The following AKAP6 variants were observed in gnomAD, a reference collection of about 807,000 sequenced individuals.
AKAP6 encodes the protein A-kinase anchoring protein 6.
AKAP6 carries 58 observed loss-of-function variants against 188.5 expected under a neutral mutation model. The observed-to-expected ratio is 0.31, with a 90% CI of 0.25 to 0.38. The LOEUF is 0.38. AKAP6 is among the 10% of genes least tolerant of loss of function. AKAP6 has a pLI of 1.00. For synonymous variants in AKAP6, 989 were observed against 998.6 expected (o/e 0.99, Z 0.18); for missense variants, 2,710 against 2,740.0 (o/e 0.99, Z 0.24).
At chr14:32,715,581 C>G (rs2030147377) in intron 9 of AKAP6, among the ~76,000 whole-genome samples, 1 of 151,772 alleles carries the variant, frequency 6.6e-6, no homozygotes, top group Non-Finnish European at 1.5e-5. Flanking sequence ...ATTTAAATAA[C>G]TGGAATAGAG....
At chr14:32,727,563 G>A (rs1450510327) in intron 9 of AKAP6, among the ~76,000 whole-genome samples, 1 of 152,158 alleles carries the variant, frequency 6.6e-6, no homozygotes, top group Non-Finnish European at 1.5e-5. Flanking sequence ...AACAGTACAT[G>A]GCCAGTGTAA....
chr14:32,671,912 C>A (rs1566637851), intron 7 of AKAP6, among the ~76,000 whole-genome samples: 5 of 152,070 alleles, frequency 3.3e-5, no homozygotes. Flanking sequence ...CTAAAAATTG[C>A]TTTTTATGAC....
At position 32,830,740 on chromosome 14, in the gene AKAP6, T is replaced by C. The variant is rs1405088607; in HGVS notation, c.*935T>C. 1 of 152,622 alleles carries C rather than the reference T, an allele frequency of 6.6e-6. No homozygotes were observed. Among genetic ancestry groups the C allele is most frequent in the East Asian group, 1.9e-4 (1 of 5,196 alleles). The allele number at this position is 152,622 out of a possible 1,614,324, so 9.5% of individuals were successfully genotyped here. The stretch of plus-strand genomic sequence containing the variant: ...TTGTGATGTCTAGTGATGTGGAAAA[T>C]ATAAGCCTTAAATCCATTAGATTGC... On this transcript the variant is annotated 3_prime_UTR_variant, in exon 14 of 14. Coordinates refer to ENST00000280979, the MANE Select transcript of AKAP6 (RefSeq NM_004274.5).
intron 3 of AKAP6, 104 bp from the exon 4 acceptor site, chr14:32,545,126 A>G (rs538963249): frequency 2.5e-4 from 264 of 1,065,782 alleles, no homozygotes; most frequent in Non-Finnish European, 1.9e-4. Context: ...AGGGACCAAT[A>G]CATTTGACCT....
intron 1 of AKAP6, among the ~76,000 whole-genome samples, chr14:32,348,691 G>A (rs7147028): frequency 0.16 from 23,659 of 152,080 alleles, 2,049 homozygotes; most frequent in East Asian, 0.37. Flanking sequence ...GGGATTATAG[G>A]CATGAGCCAC....
At chr14:32,608,357 A>C (rs1203137150) in intron 7 of AKAP6, among the ~76,000 whole-genome samples, 2 of 151,946 alleles carry the variant, frequency 1.3e-5, no homozygotes, top group East Asian at 3.9e-4. Context: ...AAAATTAGCC[A>C]AGTGTCATGG....
intron 7 of AKAP6, among the ~76,000 whole-genome samples, chr14:32,651,091 A>G (rs1888204246): frequency 6.6e-6 from 1 of 152,124 alleles, no homozygotes; most frequent in African/African-American, 2.4e-5. Flanking sequence ...TGTGTAGGTT[A>G]TTTGGTGCTC....
rs970854797 is a variant in AKAP6, at chr14:32,545,139, A to G, written c.577-91A>G. Reference sequence around the variant, plus strand: ...ATAGGGACCAATACATTTGACCTTTATAGTGCCCTGTACTGCAATTTCATT... The same window carrying G: ...ATAGGGACCAATACATTTGACCTTTGTAGTGCCCTGTACTGCAATTTCATT... On this transcript the variant is annotated intron_variant, in intron 3 of 13. Coordinates refer to ENST00000280979, the MANE Select transcript of AKAP6 (RefSeq NM_004274.5). 4.5e-5 allele frequency: 57 copies of G among 1,255,996 alleles called. No homozygotes were observed. In the Middle Eastern group the frequency reaches 5.8e-4, roughly 13 times the overall value. 77.8% of individuals were successfully genotyped at this position (1,255,996 alleles called of 1,614,324 possible).
intron 4 of AKAP6, among the ~76,000 whole-genome samples, chr14:32,557,044 A>G (rs560368206): frequency 1.3e-5 from 2 of 148,834 alleles, no homozygotes; most frequent in South Asian, 2.1e-4. Flanking sequence ...TTTGTCTTGG[A>G]AAAAAAAAAT....
At chr14:32,701,566 G>A (rs1398986524) in intron 9 of AKAP6, among the ~76,000 whole-genome samples, 1 of 151,944 alleles carries the variant, frequency 6.6e-6, no homozygotes, top group Non-Finnish European at 1.5e-5. Flanking sequence ...GTGTGGAATA[G>A]AATTAGAAAT....
intron 4 of AKAP6, among the ~76,000 whole-genome samples, chr14:32,572,673 C>T (rs1021224373): frequency 6.6e-6 from 1 of 152,216 alleles, no homozygotes; most frequent in Admixed American, 6.5e-5. Flanking sequence ...TGAAAATCAT[C>T]TTCAAGTGTA....
chr14:32,817,297 CT>C (rs890653451), intron 12 of AKAP6, among the ~76,000 whole-genome samples: 4 of 152,092 alleles, frequency 2.6e-5, no homozygotes, highest in Non-Finnish European at 5.9e-5. Flanking sequence ...CTTGGTTCTT[CT>C]TTTTTTGTCA....
intron 1 of AKAP6, among the ~76,000 whole-genome samples, chr14:32,419,879 TACAAAA>T (rs138682278): frequency 0.013 from 1,962 of 151,556 alleles, 18 homozygotes; most frequent in African/African-American, 0.014. Context: ...TGACATTCTC[TACAAAA>T]ACAAAAACAA....
rs71115086 is a variant in AKAP6 at position 32,615,167 on chromosome 14, C to CAAAAAAAAAAAAAAAAAAAAAAAAAAAAA, written c.2730+14394_2730+14395insAAAAAAAAAAAAAAAAAAAAAAAAAAAAA. Among the ~76,000 whole-genome samples the CAAAAAAAAAAAAAAAAAAAAAAAAAAAAA allele has an allele frequency of 1.3e-3, 71 of 53,478 alleles. 10 individuals carry two copies. Among genetic ancestry groups the CAAAAAAAAAAAAAAAAAAAAAAAAAAAAA allele is most frequent in the East Asian group, 3.3e-3 (6 of 1,838 alleles). The allele number at this position is 53,478 out of a possible 152,430, so 35.1% of individuals were successfully genotyped here. ...CTGGCAACAGAGCAAGACTCTGTCT[C>CAAAAAAAAAAAAAAAAAAAAAAAAAAAAA]AAAAAAAAAAAAAAAAAAAGATAAA... On this transcript the variant is annotated intron_variant, in intron 7 of 13. Transcript: ENST00000280979.
intron 2 of AKAP6, chr14:32,438,882 A>G (rs1440567037): frequency 1.3e-5 from 2 of 152,230 alleles, no homozygotes; most frequent in African/African-American, 4.8e-5. Context: ...CCTGATTAAC[A>G]GTCTTCTCAG....
intron 9 of AKAP6, among the ~76,000 whole-genome samples, chr14:32,724,120 C>A (rs1426843545): frequency 6.6e-6 from 1 of 152,068 alleles, no homozygotes; most frequent in African/African-American, 2.4e-5. Flanking sequence ...CATACTGCTA[C>A]ATTTAGGTAT....
At chr14:32,737,242 A>G (rs1244944311) in intron 11 of AKAP6, among the ~76,000 whole-genome samples, 1 of 152,076 alleles carries the variant, frequency 6.6e-6, no homozygotes, top group Non-Finnish European at 1.5e-5. Flanking sequence ...GATCTAGCAT[A>G]ATGGCACCTT....
At chr14:32,533,487 G>A (rs1024012802) in intron 2 of AKAP6, among the ~76,000 whole-genome samples, 2 of 152,146 alleles carry the variant, frequency 1.3e-5, no homozygotes, top group Admixed American at 1.3e-4. Flanking sequence ...TTCTTGGGCA[G>A]AATCAGGTTT....
At chr14:32,506,988 T>C (rs1164432000) in intron 2 of AKAP6, among the ~76,000 whole-genome samples, 1 of 152,188 alleles carries the variant, frequency 6.6e-6, no homozygotes, top group Non-Finnish European at 1.5e-5. Flanking sequence ...TCATTTTTTT[T>C]CCTGAGTTAT....
Sources: gnomAD v4.1 joint callset for allele counts (sites outside exome capture counted in the v4.1 genomes callset) on GRCh38, gnomAD v4.1.1 for gene constraint, MANE v1.5 for transcripts, NCBI Gene and HGNC (gene_info 2026-07-23, HGNC 2026-07-21) for gene names.